The following NUDT21 variants were observed in gnomAD, a reference collection of about 807,000 sequenced individuals.
NUDT21 encodes nudix hydrolase 21.
Under a neutral mutation model 29.8 loss-of-function variants are expected in NUDT21, and 5 were observed. That is an observed-to-expected ratio of 0.17 (90% CI 0.09 to 0.35). The LOEUF (loss-of-function observed/expected upper bound fraction) is 0.35, where lower values mean the gene tolerates loss of function less well. Ranked by LOEUF, NUDT21 falls within the 10% of genes least tolerant of loss-of-function variation. NUDT21 has a pLI of 1.00. For missense variants in NUDT21, 76 were observed against 276.0 expected, an observed-to-expected ratio of 0.28 and a Z score of 5.13; for synonymous variants, 113 against 98.5, an observed-to-expected ratio of 1.15 and a Z score of -0.87.
chr16:56,447,736 A>G, intron 2 of NUDT21, 53 bp downstream of exon 2: 1 of 1,519,906 alleles, frequency 6.6e-7, no homozygotes, highest in Non-Finnish European at 9.1e-7. Context: ...AGAGCTGCAT[A>G]AACAGCAATC....
At chr16:56,432,782 T>G (rs549536344) in intron 6 of NUDT21, 49 bp from the exon 7 acceptor site, 1 of 1,327,432 alleles carries the variant, frequency 7.5e-7, no homozygotes, top group South Asian at 1.2e-5. Context: ...TACATACTAC[T>G]TTCCATATTA....
At chr16:56,441,750 G>C (rs961634495) in intron 3 of NUDT21, among the ~76,000 whole-genome samples, 1 of 152,148 alleles carries the variant, frequency 6.6e-6, no homozygotes. Context: ...CTCCTTACTT[G>C]TTCAACTGTC....
At position 56,431,609 on chromosome 16, in the gene NUDT21, A is replaced by G. The variant is rs1351459066; in HGVS notation, c.*1103T>C. The G allele has an allele frequency of 1.3e-5, 2 of 152,194 alleles. No homozygotes were observed. The highest frequency in any genetic ancestry group is 2.9e-5 in the Non-Finnish European group (2 of 68,038). The allele number at this position is 152,194 out of a possible 1,614,324, so 9.4% of individuals were successfully genotyped here. A position where few individuals can be genotyped will look rare whatever the true frequency, so the allele number is the denominator to read the frequency against. ...CCTTTTTACATTAAGCCTATAGTCA[A>G]CAAGTCTGTAATAAGGCATACATGC... On this transcript the variant is annotated 3_prime_UTR_variant, in exon 7 of 7. Transcript: ENST00000300291.
chr16:56,440,959 C>T (rs565542637), intron 3 of NUDT21, among the ~76,000 whole-genome samples: 5 of 151,910 alleles, frequency 3.3e-5, no homozygotes, highest in African/African-American at 9.7e-5. Flanking sequence ...AGGCTGGTCT[C>T]GAACTCCTGA....
intron 4 of NUDT21, chr16:56,439,267 G>A (rs2143937912): frequency 6.1e-6 from 1 of 163,294 alleles, no homozygotes; most frequent in East Asian, 1.7e-4. Context: ...TGCCTCCCAG[G>A]TTCAAGCAAT....
In NUDT21 at chr16:56,434,762, T is replaced by A; in HGVS notation, c.539A>T (p.Gln180Leu). Residue 180 changes from glutamine (Q) to leucine (L), a missense_variant, in exon 5 of 7, where the codon CAA becomes CTA. Gln to Leu is a moderately radical substitution (Grantham distance 113, BLOSUM62 -2). Coordinates refer to ENST00000300291, the MANE Select transcript of NUDT21 (RefSeq NM_007006.3). ...EHKKLFLVQL[Q>L]EKALFAVPKN... is the part of the protein sequence containing the mutation. ...AAAACAAAATAACTTACCTTTTTCT[T>A]GAAGCTGAACCAGAAACAACTTCTT... is the stretch of plus-strand genomic sequence containing the variant. 6.3e-7 allele frequency: 1 copy of A among 1,595,114 alleles called. No homozygotes were observed. The highest frequency in any genetic ancestry group is 8.6e-7 in the Non-Finnish European group (1 of 1,163,994).
At chr16:56,437,902 C>A (rs1342186271) in intron 4 of NUDT21, among the ~76,000 whole-genome samples, 1 of 151,188 alleles carries the variant, frequency 6.6e-6, no homozygotes, top group East Asian at 1.9e-4. Flanking sequence ...TTTTTTTTTT[C>A]TACACAAACC....
Position 56,431,976 on chromosome 16 carries a change from C to A in NUDT21, c.*736G>T. The A allele has an allele frequency of 6.6e-6, 1 of 152,164 alleles. No individual in the cohort carries two copies. Among genetic ancestry groups the A allele is most frequent in the East Asian group, 1.9e-4 (1 of 5,200 alleles). The allele number at this position is 152,164 out of a possible 1,614,324, so 9.4% of individuals were successfully genotyped here. A position where few individuals can be genotyped will look rare whatever the true frequency, so the allele number is the denominator to read the frequency against. On this transcript the variant is annotated 3_prime_UTR_variant, in exon 7 of 7. Coordinates refer to ENST00000300291, the MANE Select transcript of NUDT21 (RefSeq NM_007006.3). ...TCACAGATCCCTATTTTTACCATGG[C>A]TTTAAGAATAAGACACATAATTTCG...
chr16:56,445,394 C>T (rs375622649), intron 3 of NUDT21, among the ~76,000 whole-genome samples: 3 of 152,172 alleles, frequency 2.0e-5, no homozygotes, highest in Non-Finnish European at 2.9e-5. Context: ...GGGATATCCA[C>T]CCCCTCAAGC....
chr16:56,437,227 A>G (rs963181341), intron 4 of NUDT21, among the ~76,000 whole-genome samples: 20 of 152,102 alleles, frequency 1.3e-4, no homozygotes, highest in African/African-American at 4.8e-4. Context: ...TGCTTGGTTG[A>G]TATTTTGTGC....
intron 6 of NUDT21, among the ~76,000 whole-genome samples, chr16:56,432,935 C>T (rs1159255957): frequency 6.6e-6 from 1 of 152,116 alleles, no homozygotes; most frequent in Non-Finnish European, 1.5e-5. Flanking sequence ...ACACTAAAAA[C>T]ACTTGTTGAA....
intron 1 of NUDT21, among the ~76,000 whole-genome samples, chr16:56,450,688 T>TTA (rs1472055656): frequency 6.6e-6 from 1 of 152,128 alleles, no homozygotes; most frequent in Admixed American, 6.6e-5. Context: ...TGATACTAGG[T>TTA]TATACCATTC....
In NUDT21 at chr16:56,431,306, C is replaced by T. The variant is rs1372373291; in HGVS notation, c.*1406G>A. ...GTGGCTTTTTCAAAGGAAACTGGGG[C>T]ATTTTTGATCATGGAGACTGGTGCT... On this transcript the variant is annotated 3_prime_UTR_variant, in exon 7 of 7. Transcript: ENST00000300291. 4 of 152,300 alleles carry T rather than the reference C, an allele frequency of 2.6e-5. No individual in the cohort carries two copies. The highest frequency in any genetic ancestry group is 9.6e-5 in the African/African-American group (4 of 41,574). The allele number at this position is 152,300 out of a possible 1,614,324, so 9.4% of individuals were successfully genotyped here.
Position 56,432,646 on chromosome 16 carries a change from C to G in NUDT21, c.*66G>C, listed in dbSNP as rs1170646475. On this transcript the variant is annotated 3_prime_UTR_variant, in exon 7 of 7. Coordinates refer to ENST00000300291, the MANE Select transcript of NUDT21 (RefSeq NM_007006.3). ...AAAAAACTTTTCTACCACATTTATT[C>G]TACACTGTATATAGCTGTGCTCACA... 2 of 1,441,044 alleles carry G rather than the reference C, an allele frequency of 1.4e-6. No individual in the cohort carries two copies. Among genetic ancestry groups the G allele is most frequent in the Non-Finnish European group, 9.4e-7 (1 of 1,059,150 alleles). The allele number at this position is 1,441,044 out of a possible 1,614,324, so 89.3% of individuals were successfully genotyped here.
chr16:56,435,045 G>A (rs954100725), intron 4 of NUDT21: 18 of 365,434 alleles, frequency 4.9e-5, no homozygotes, highest in East Asian at 2.1e-4. Context: ...AAAATATGTA[G>A]TCACAGGATT....
chr16:56,447,413 C>T (rs1192351595), intron 2 of NUDT21, among the ~76,000 whole-genome samples: 1 of 152,174 alleles, frequency 6.6e-6, no homozygotes, highest in Non-Finnish European at 1.5e-5. Flanking sequence ...TGATAAAACA[C>T]TAAACTGTTA....
At chr16:56,444,387 C>A (rs1196805456) in intron 3 of NUDT21, among the ~76,000 whole-genome samples, 1 of 151,976 alleles carries the variant, frequency 6.6e-6, no homozygotes, top group Non-Finnish European at 1.5e-5. Flanking sequence ...AGTTCGAGAC[C>A]AACCTGGCCG....
In NUDT21 at chr16:56,430,902, TGAA is replaced by T. The variant is rs1962026872; in HGVS notation, c.*1807_*1809del. The T allele has an allele frequency of 6.6e-6, 1 of 152,244 alleles. No individual in the cohort carries two copies. The highest frequency in any genetic ancestry group is 1.9e-4 in the East Asian group (1 of 5,202). 9.4% of individuals were successfully genotyped at this position (152,244 alleles called of 1,614,324 possible). The stretch of plus-strand genomic sequence containing the variant: ...TGGGAAGAAGTGAAGAAGTGAGAAG[TGAA>T]GAATTTCTTGGTCAAAGTTTAAGTT... On this transcript the variant is annotated 3_prime_UTR_variant, in exon 7 of 7. Coordinates refer to ENST00000300291, the MANE Select transcript of NUDT21 (RefSeq NM_007006.3).
rs1962076731 is a variant in NUDT21, at chr16:56,434,822, T to A, written c.479A>T (p.Tyr160Phe). 1.9e-6 allele frequency: 3 copies of A among 1,564,612 alleles called. No individual in the cohort carries two copies. The highest frequency in any genetic ancestry group is 2.6e-6 in the Non-Finnish European group (3 of 1,139,692). The change falls in exon 5 of 7, where the codon TAT becomes TTT. Residue 160 changes from tyrosine to phenylalanine, a missense_variant. Tyr to Phe is a conservative substitution (Grantham distance 22, BLOSUM62 3). Transcript: ENST00000300291. Reference protein sequence around the residue: ...RPNFEPPQYPYIPAHITKPKE... With the variant: ...RPNFEPPQYPFIPAHITKPKE... The stretch of plus-strand genomic sequence containing the variant: ...AGGCTTTGTAATATGTGCAGGAATA[T>A]ATGGATACTGAAATTACAAATGAAT...
Sources: allele counts gnomAD v4.1 joint callset (sites outside exome capture counted in the v4.1 genomes callset), GRCh38; gene constraint gnomAD v4.1.1; transcripts MANE v1.5; gene names NCBI Gene and HGNC (gene_info 2026-07-23, HGNC 2026-07-21).